Variants in RPS6KC1 observed in about 807,000 individuals in gnomAD.
The protein encoded by RPS6KC1 is inactive ribosomal protein S6 kinase delta-1.
Under a neutral mutation model 103.8 loss-of-function variants are expected in RPS6KC1, and 54 were observed. The ratio of observed to expected loss-of-function variants is 0.52; its 90% CI spans 0.42 to 0.65. The LOEUF (loss-of-function observed/expected upper bound fraction) is 0.65, where lower values mean the gene tolerates loss of function less well. Among genes scored for constraint, RPS6KC1 ranks in the 30% least tolerant of loss-of-function variants. The probability of loss-of-function intolerance (pLI) is 0.00; values close to 1 mark genes in which losing one functional copy is unlikely to be tolerated. For missense variants in RPS6KC1, 1,151 were observed against 1,253.8 expected, an observed-to-expected ratio of 0.92 and a Z score of 1.24; for synonymous variants, 439 against 438.7, an observed-to-expected ratio of 1.00 and a Z score of -0.01.
chr1:213,305,149 A>G, the RPS6KC1 span, among the ~76,000 whole-genome samples: 3 of 152,088 alleles, frequency 2.0e-5, no homozygotes, highest in Non-Finnish European at 4.4e-5. Flanking sequence ...CACTGGCGCC[A>G]TCTCAGCTCA....
intron 14 of RPS6KC1, among the ~76,000 whole-genome samples, chr1:213,269,720 G>C (rs1205501386): frequency 6.6e-6 from 1 of 151,874 alleles, no homozygotes; most frequent in African/African-American, 2.4e-5. Context: ...AAAAAGGGAA[G>C]GTTTTTAATC....
chr1:213,625,336 A>G, the RPS6KC1 span, among the ~76,000 whole-genome samples: 2 of 152,174 alleles, frequency 1.3e-5, no homozygotes, highest in Non-Finnish European at 2.9e-5. Flanking sequence ...GTGTGTACTT[A>G]TGCAATATTC....
chr1:213,713,097 C>G, the RPS6KC1 span, among the ~76,000 whole-genome samples: 11 of 152,134 alleles, frequency 7.2e-5, no homozygotes, highest in Non-Finnish European at 1.2e-4. Context: ...TCCACCCCTC[C>G]TCTAGAAAAT....
the RPS6KC1 span, among the ~76,000 whole-genome samples, chr1:213,577,397 T>C: frequency 0.034 from 5,243 of 152,310 alleles, 298 homozygotes; most frequent in East Asian, 0.27. Context: ...AGAGGACTAA[T>C]ACAGTAAATT....
At chr1:213,836,687 GA>G in the RPS6KC1 span, among the ~76,000 whole-genome samples, 1 of 152,128 alleles carries the variant, frequency 6.6e-6, no homozygotes, top group Non-Finnish European at 1.5e-5. Flanking sequence ...AAATGTTTCT[GA>G]AATAATACCT....
At chr1:213,389,013 A>G in the RPS6KC1 span, among the ~76,000 whole-genome samples, 1 of 152,102 alleles carries the variant, frequency 6.6e-6, no homozygotes, top group Non-Finnish European at 1.5e-5. Flanking sequence ...GGGTAGGAAT[A>G]GTGGGGTGAC....
At chr1:213,275,589 TA>T (rs2095111001), downstream of RPS6KC1, among the ~76,000 whole-genome samples, 1 of 152,198 alleles carries the variant, frequency 6.6e-6, no homozygotes, top group Non-Finnish European at 1.5e-5. Context: ...ATTTTTTTTT[TA>T]TTTGACAAAT....
the RPS6KC1 span, among the ~76,000 whole-genome samples, chr1:213,766,666 C>A: frequency 6.6e-6 from 1 of 152,156 alleles, no homozygotes; most frequent in Admixed American, 6.5e-5. Context: ...ACTGTTTCCT[C>A]ATGCTTCAGA....
At chr1:213,114,731 A>G (rs1002929137) in intron 4 of RPS6KC1, among the ~76,000 whole-genome samples, 1 of 152,160 alleles carries the variant, frequency 6.6e-6, no homozygotes, top group Non-Finnish European at 1.5e-5. Context: ...AATACGTCCC[A>G]TCAATACCTA....
chr1:213,745,021 G>A, the RPS6KC1 span, among the ~76,000 whole-genome samples: 6 of 152,146 alleles, frequency 3.9e-5, no homozygotes, highest in East Asian at 1.9e-4. Flanking sequence ...ACACAAACAC[G>A]CTGGCAGTGG....
At chr1:213,554,890 AT>A in the RPS6KC1 span, among the ~76,000 whole-genome samples, 5 of 152,218 alleles carry the variant, frequency 3.3e-5, no homozygotes, top group Non-Finnish European at 7.4e-5. Context: ...ATTTTAATAA[AT>A]TTTTTCCCAC....
At chr1:213,679,111 G>C in the RPS6KC1 span, among the ~76,000 whole-genome samples, 14 of 152,190 alleles carry the variant, frequency 9.2e-5, no homozygotes, top group Non-Finnish European at 1.9e-4. Flanking sequence ...AATACCAGGG[G>C]AAGGAAGTGA....
chr1:213,434,340 ATT>A, the RPS6KC1 span, among the ~76,000 whole-genome samples: 1 of 151,600 alleles, frequency 6.6e-6, no homozygotes, highest in Non-Finnish European at 1.5e-5. Context: ...AGAATTCTAG[ATT>A]ACACCTTTAA....
the RPS6KC1 span, among the ~76,000 whole-genome samples, chr1:213,529,599 C>G: frequency 6.6e-6 from 1 of 152,162 alleles, no homozygotes; most frequent in Non-Finnish European, 1.5e-5. Flanking sequence ...TGGTATATCT[C>G]TTGCAATGGA....
At chr1:213,278,218 AT>A (rs2095115851), downstream of RPS6KC1, among the ~76,000 whole-genome samples, 1 of 151,966 alleles carries the variant, frequency 6.6e-6, no homozygotes. Context: ...AAAAAAAAAA[AT>A]CTTCCTAAAG....
chr1:213,054,259 A>G (rs973554193), intron 1 of RPS6KC1, among the ~76,000 whole-genome samples: 17 of 152,208 alleles, frequency 1.1e-4, no homozygotes, highest in Admixed American at 6.5e-4. Context: ...TGCATGTTAC[A>G]TATTGCTCTG....
At chr1:213,151,640 G>T (rs2088946659) in intron 6 of RPS6KC1, among the ~76,000 whole-genome samples, 1 of 86,430 alleles carries the variant, frequency 1.2e-5, no homozygotes, top group African/African-American at 5.9e-5. Context: ...CGGCTGGCTG[G>T]GCAGAGGGGC....
At chr1:213,209,018 T>C (rs545695889) in intron 8 of RPS6KC1, among the ~76,000 whole-genome samples, 88 of 152,156 alleles carry the variant, frequency 5.8e-4, no homozygotes, top group African/African-American at 2.1e-3. Flanking sequence ...CCTTTCTCTA[T>C]TGGTTCAACT....
chr1:213,600,485 G>A, the RPS6KC1 span, among the ~76,000 whole-genome samples: 1 of 152,164 alleles, frequency 6.6e-6, no homozygotes, highest in Non-Finnish European at 1.5e-5. Flanking sequence ...CCTATAGGGG[G>A]AATCAGAGAT....
Sources: gnomAD v4.1 joint callset for allele counts (sites outside exome capture counted in the v4.1 genomes callset) on GRCh38, gnomAD v4.1.1 for gene constraint, MANE v1.5 for transcripts, NCBI Gene and HGNC (gene_info 2026-07-23, HGNC 2026-07-21) for gene names.